The following HK1 variants were observed in gnomAD, a reference collection of about 807,000 sequenced individuals.
HK1 encodes the protein hexokinase-1.
In HK1, 28 loss-of-function variants were observed where a neutral mutation model predicts 91.6. The observed-to-expected ratio is 0.31, with a 90% confidence interval of 0.23 to 0.42. The LOEUF is 0.42. HK1 is among the 10% of genes least tolerant of loss of function. HK1 has a pLI of 1.00. For missense variants in HK1, 770 were observed against 1,219.8 expected (o/e 0.63, Z 5.49); for synonymous variants, 430 against 468.1 (o/e 0.92, Z 1.05).
At chr10:69,315,693 G>T (rs1308441018), upstream of HK1, 9 of 540,136 alleles carry the variant, frequency 1.7e-5, no homozygotes, top group Admixed American at 5.6e-5. Flanking sequence ...GCCTCAGGAA[G>T]CTGTCTGATT....
rs2132767371 is a variant in HK1 at position 69,360,988 on chromosome 10, T to G, written c.375+943T>G. Reference sequence around the variant, plus strand: ...CACCGCAAGGTTCATGACTAAGATTTCCAGGGAACTCTGGTTCTGGGGTGG... The same window carrying G: ...CACCGCAAGGTTCATGACTAAGATTGCCAGGGAACTCTGGTTCTGGGGTGG... On this transcript the variant is annotated intron_variant, in intron 3 of 17. Coordinates refer to ENST00000359426, the MANE Select transcript of HK1 (RefSeq NM_000188.3). 1.3e-5 allele frequency among the ~76,000 whole-genome samples: 2 copies of G among 152,318 alleles called. 1 individual carries two copies. Among genetic ancestry groups the G allele is most frequent in the Middle Eastern group, 6.8e-3 (2 of 294 alleles).
At chr10:69,313,252 A>G (rs139557091), upstream of HK1, among the ~76,000 whole-genome samples, 3 of 152,318 alleles carry the variant, frequency 2.0e-5, no homozygotes, top group Non-Finnish European at 4.4e-5. Context: ...AGCAGTGTCA[A>G]GCAGTGGGCT....
At chr10:69,349,779 C>A (rs1237607281) in intron 2 of HK1, among the ~76,000 whole-genome samples, 1 of 152,242 alleles carries the variant, frequency 6.6e-6, no homozygotes, top group East Asian at 1.9e-4. Flanking sequence ...TTATGGAGGG[C>A]AAGTGGGTAT....
intron 2 of HK1, among the ~76,000 whole-genome samples, chr10:69,358,828 A>C (rs908253222): frequency 6.7e-6 from 1 of 149,316 alleles, no homozygotes; most frequent in Non-Finnish European, 1.5e-5. Flanking sequence ...ATGCCTCTGC[A>C]TTCCAGCCTG....
Position 69,398,582 on chromosome 10 carries a change from T to C in HK1, c.2376-13T>C. ...CCTGCTTCATCCAGCCCTCTGGCTC[T>C]TGTCCCCCACAGTGACCGATTAGCA... is the stretch of plus-strand genomic sequence containing the variant. On this transcript the variant is annotated splice_polypyrimidine_tract_variant and intron_variant, in intron 16 of 17. Coordinates refer to ENST00000359426, the MANE Select transcript of HK1 (RefSeq NM_000188.3). 1 of 1,609,692 alleles carries C rather than the reference T, an allele frequency of 6.2e-7. No homozygotes were observed. The highest frequency in any genetic ancestry group is 2.2e-5 in the East Asian group (1 of 44,832).
intron 3 of HK1, among the ~76,000 whole-genome samples, chr10:69,293,986 C>G (rs186617717): frequency 6.6e-6 from 1 of 151,140 alleles, no homozygotes; most frequent in Non-Finnish European, 1.5e-5. Flanking sequence ...CTCAGCCTCC[C>G]GAGTAGCTGG....
chr10:69,374,479 G>A (rs57882250), intron 7 of HK1, among the ~76,000 whole-genome samples: 2,852 of 152,330 alleles, frequency 0.019, 100 homozygotes, highest in African/African-American at 0.065. Context: ...GGCGTTACCC[G>A]TTCAGTTATC....
intron 7 of HK1, among the ~76,000 whole-genome samples, chr10:69,374,097 G>A (rs182941947): frequency 1.3e-5 from 2 of 152,300 alleles, no homozygotes; most frequent in East Asian, 1.9e-4. Context: ...TGGTGGTTGA[G>A]TAACTGTGCG....
chr10:69,286,099 C>A (rs1223726406), intron 2 of HK1, among the ~76,000 whole-genome samples: 3 of 152,070 alleles, frequency 2.0e-5, no homozygotes, highest in Non-Finnish European at 4.4e-5. Flanking sequence ...CGGGAAGTTG[C>A]CTGGGGATCA....
At chr10:69,388,652 C>T (rs1839758525) in intron 13 of HK1, among the ~76,000 whole-genome samples, 1 of 152,160 alleles carries the variant, frequency 6.6e-6, no homozygotes, top group African/African-American at 2.4e-5. Context: ...GCATTTAGAT[C>T]AACCTCATTC....
chr10:69,346,652 C>T (rs1339740803), intron 2 of HK1, among the ~76,000 whole-genome samples: 2 of 150,686 alleles, frequency 1.3e-5, no homozygotes, highest in Non-Finnish European at 3.0e-5. Flanking sequence ...AGGCGTGAGC[C>T]ACCTCACCTG....
chr10:69,347,043 C>CT (rs776405511), intron 2 of HK1, among the ~76,000 whole-genome samples: 3,954 of 146,314 alleles, frequency 0.027, 80 homozygotes, highest in Admixed American at 0.042. Context: ...TTTTCTTTTC[C>CT]TTTTTTTTTT....
chr10:69,317,173 C>T (rs1846690825), upstream of HK1, among the ~76,000 whole-genome samples: 1 of 152,216 alleles, frequency 6.6e-6, no homozygotes, highest in African/African-American at 2.4e-5. Context: ...GAAGCTTTAA[C>T]CGCATTAACT....
upstream of HK1, among the ~76,000 whole-genome samples, chr10:69,313,689 G>C (rs1329154385): frequency 6.6e-6 from 1 of 152,082 alleles, no homozygotes; most frequent in Non-Finnish European, 1.5e-5. Context: ...TAGAGATGGG[G>C]TTTCTCCATG....
chr10:69,276,118 A>AAATATATATATAT lies in HK1; in HGVS notation c.-391+6011_-391+6012insATATATATATATA. On this transcript the variant is annotated intron_variant, in intron 1 of 21. Transcript: ENST00000360289. ...AAAAAAAAAAAAAAAAAAAAAAAAA[A>AAATATATATATAT]ATACATATATATATATATATACACA... 2.0e-3 allele frequency among the ~76,000 whole-genome samples: 75 copies of AAATATATATATAT among 38,244 alleles called. 10 individuals carry two copies. The highest frequency in any genetic ancestry group is 2.9e-3 in the Non-Finnish European group (56 of 19,632). The allele number at this position is 38,244 out of a possible 152,430, so 25.1% of individuals were successfully genotyped here.
intron 2 of HK1, among the ~76,000 whole-genome samples, chr10:69,350,937 A>G (rs80036914): frequency 0.13 from 19,230 of 149,216 alleles, 1,348 homozygotes; most frequent in South Asian, 0.26. Flanking sequence ...TTGGGAGGCC[A>G]AGGCAGGCGG....
rs191496633 is a variant in HK1 at position 69,320,110 on chromosome 10, G to A, written c.63+1100G>A. The stretch of plus-strand genomic sequence containing the variant: ...CATCCTCTTCCTGTGCATCTAAGAT[G>A]ACTCCCTCATCTGGCACCATAGGAA... On this transcript the variant is annotated intron_variant, in intron 1 of 17. Transcript: ENST00000359426. 1.2e-3 allele frequency among the ~76,000 whole-genome samples: 178 copies of A among 152,236 alleles called. 1 individual carries two copies. Among genetic ancestry groups the A allele is most frequent in the African/African-American group, 4.0e-3 (165 of 41,554 alleles).
At chr10:69,280,409 G>A (rs987997178) in intron 1 of HK1, among the ~76,000 whole-genome samples, 4 of 152,180 alleles carry the variant, frequency 2.6e-5, no homozygotes, top group South Asian at 2.1e-4. Flanking sequence ...GAGCCACCAC[G>A]CCCAGCCCGG....
At position 69,401,096 on chromosome 10, in the gene HK1, G is replaced by A. The variant is rs770591927; in HGVS notation, c.2715G>A (p.Thr905=). 9.9e-6 allele frequency: 16 copies of A among 1,613,912 alleles called. No individual in the cohort carries two copies. In the African/African-American group the frequency reaches 1.2e-4, roughly 12 times the overall value. ...GCGGCAAGGGGGCCGCCCTCATCAC[G>A]GCCGTGGGCGTGCGGTTACGCACAG... is the stretch of plus-strand genomic sequence containing the variant. ...DGSGKGAALI[T]AVGVRLRTEA... is the part of the protein sequence containing the mutation. The change falls in exon 18 of 18, where the codon ACG becomes ACA. Residue 905 remains threonine, a synonymous_variant. Transcript: ENST00000359426.
Sources: gnomAD v4.1 joint callset for allele counts (sites outside exome capture counted in the v4.1 genomes callset) on GRCh38, gnomAD v4.1.1 for gene constraint, MANE v1.5 for transcripts, NCBI Gene and HGNC (gene_info 2026-07-23, HGNC 2026-07-21) for gene names.